The following IGF2BP1 variants were observed in gnomAD, a reference collection of about 807,000 sequenced individuals.
IGF2BP1 encodes the protein insulin-like growth factor 2 mRNA-binding protein 1.
A neutral mutation model predicts 74.9 loss-of-function variants in IGF2BP1; 11 were observed. That is an observed-to-expected ratio of 0.15 (90% CI 0.09 to 0.24). The LOEUF (loss-of-function observed/expected upper bound fraction) is 0.24. IGF2BP1 is among the 10% of genes least tolerant of loss of function. The pLI, the probability that IGF2BP1 is intolerant of heterozygous loss-of-function variation, is 1.00. For synonymous variants in IGF2BP1, 287 were observed against 281.8 expected (o/e 1.02, Z -0.18); for missense variants, 440 against 757.4 (o/e 0.58, Z 4.92).
rs1187362080 is a variant in IGF2BP1, at chr17:49,049,681, G to A, written c.*237G>A. 1.0e-5 allele frequency: 5 copies of A among 481,358 alleles called. No homozygotes were observed. The highest frequency in any genetic ancestry group is 1.9e-5 in the Non-Finnish European group (5 of 265,998). 29.8% of individuals were successfully genotyped at this position (481,358 alleles called of 1,614,324 possible). ...CCCTCGGGGTGTCAGAAATTCTAGCGCAAGGCACTTTTAAACGTGGATTGT... is the reference window on the plus strand; with the variant it reads ...CCCTCGGGGTGTCAGAAATTCTAGCACAAGGCACTTTTAAACGTGGATTGT... On this transcript the variant is annotated 3_prime_UTR_variant, in exon 15 of 15. Coordinates refer to ENST00000290341, the MANE Select transcript of IGF2BP1 (RefSeq NM_006546.4).
upstream of IGF2BP1, among the ~76,000 whole-genome samples, chr17:48,996,652 C>T (rs1214158400): frequency 1.3e-5 from 2 of 152,224 alleles, no homozygotes; most frequent in African/African-American, 4.8e-5. Context: ...CGCGTGTTCC[C>T]CTCAGGACCC....
chr17:49,024,006 TC>T (rs1219191944), intron 2 of IGF2BP1, among the ~76,000 whole-genome samples: 1 of 147,970 alleles, frequency 6.8e-6, no homozygotes, highest in Non-Finnish European at 1.5e-5. Flanking sequence ...AACCTCTGCC[TC>T]CCTGGTTCAA....
intron 2 of IGF2BP1, among the ~76,000 whole-genome samples, chr17:49,019,914 A>T (rs1177154252): frequency 4.1e-4 from 14 of 34,018 alleles, no homozygotes; most frequent in African/African-American, 2.7e-3. Flanking sequence ...TTATATATAT[A>T]TATATATATA....
intron 2 of IGF2BP1, among the ~76,000 whole-genome samples, chr17:49,003,264 ATGTG>A (rs1567808381): frequency 6.6e-6 from 1 of 152,178 alleles, no homozygotes; most frequent in African/African-American, 2.4e-5. Context: ...ATTTTAATCT[ATGTG>A]TGTGGGTACT....
chr17:49,022,766 G>A (rs999013195), intron 2 of IGF2BP1, among the ~76,000 whole-genome samples: 10 of 152,212 alleles, frequency 6.6e-5, no homozygotes. Flanking sequence ...AAAACTGGGA[G>A]TTTGAAGTGC....
chr17:48,998,766 C>T (rs987472683), intron 1 of IGF2BP1, among the ~76,000 whole-genome samples: 2 of 152,220 alleles, frequency 1.3e-5, no homozygotes, highest in African/African-American at 4.8e-5. Flanking sequence ...ACGGGGAGCC[C>T]TTTCTTTCCT....
intron 2 of IGF2BP1, among the ~76,000 whole-genome samples, chr17:49,003,360 T>C (rs761862622): frequency 6.6e-6 from 1 of 152,218 alleles, no homozygotes; most frequent in Non-Finnish European, 1.5e-5. Context: ...ATTGAGGTAG[T>C]CTACTGAGTA....
intron 2 of IGF2BP1, chr17:49,012,372 G>T (rs1311976313): frequency 3.9e-5 from 6 of 152,224 alleles, no homozygotes. Flanking sequence ...GCCTCAGCCT[G>T]TCCTTTTGCA....
At position 49,044,114 on chromosome 17, in the gene IGF2BP1, T is replaced by C. The variant is rs2042083931; in HGVS notation, c.1320+28T>C. 2.5e-6 allele frequency: 4 copies of C among 1,610,868 alleles called. No individual in the cohort carries two copies. The East Asian group carries it at 8.9e-5, about 36-fold the overall frequency. On this transcript the variant is annotated intron_variant, in intron 11 of 14. Coordinates refer to ENST00000290341, the MANE Select transcript of IGF2BP1 (RefSeq NM_006546.4). ...GATCTGCTCTGTGGGTCTTCCTGTT[T>C]CTGGAAAGGGAGGGGTCTCTGCTTT... is the stretch of plus-strand genomic sequence containing the variant.
chr17:49,005,677 A>T (rs2041543502), intron 2 of IGF2BP1, among the ~76,000 whole-genome samples: 2 of 152,138 alleles, frequency 1.3e-5, no homozygotes, highest in African/African-American at 4.8e-5. Context: ...GATTCTAGTC[A>T]ATCCTCTCTA....
chr17:49,041,970 T>C (rs998482198), intron 8 of IGF2BP1, among the ~76,000 whole-genome samples: 6 of 152,214 alleles, frequency 3.9e-5, no homozygotes, highest in African/African-American at 1.2e-4. Flanking sequence ...GTAGAATCAA[T>C]GGGGAAACTT....
At chr17:49,006,553 G>A (rs2041553255) in intron 2 of IGF2BP1, among the ~76,000 whole-genome samples, 2 of 152,154 alleles carry the variant, frequency 1.3e-5, no homozygotes, top group South Asian at 2.1e-4. Flanking sequence ...CTCCTTTGAA[G>A]CTTTACAGTT....
chr17:49,004,282 C>A (rs1427435543), intron 2 of IGF2BP1, among the ~76,000 whole-genome samples: 1 of 147,956 alleles, frequency 6.8e-6, no homozygotes, highest in African/African-American at 2.6e-5. Context: ...GCAGCAGATA[C>A]CCCACGAGAG....
intron 5 of IGF2BP1, chr17:49,036,757 C>G (rs2041994434): frequency 6.5e-6 from 1 of 152,952 alleles, no homozygotes; most frequent in Non-Finnish European, 1.5e-5. Context: ...GGAGACCAGC[C>G]TGACCAACAT....
In IGF2BP1 at chr17:49,026,786, C is replaced by T. The variant is rs184364495; in HGVS notation, c.337+269C>T. 1.8e-3 allele frequency among the ~76,000 whole-genome samples: 274 copies of T among 151,524 alleles called. 1 individual carries two copies. Among genetic ancestry groups the T allele is most frequent in the Non-Finnish European group, 3.0e-3 (201 of 67,744 alleles). On this transcript the variant is annotated intron_variant, in intron 4 of 14. Transcript: ENST00000290341. ...CTTCCTGTCTATCTTGCTCTGTCAC[C>T]AGGCTGGAGTGAAGTGGCGCAATCT...
Position 49,030,010 on chromosome 17 carries a change from A to C in IGF2BP1, c.338-1900A>C, listed in dbSNP as rs2041904448. On this transcript the variant is annotated intron_variant, in intron 4 of 14. Transcript: ENST00000290341. ...AGTTAGAGCCAAGAATTTTGATGGG[A>C]TCAATGACTAGCATCCTGAGGCTAC... Among the ~76,000 whole-genome samples, 4 of 152,216 alleles carry C rather than the reference A, an allele frequency of 2.6e-5. No homozygotes were observed. In the South Asian group the frequency reaches 8.3e-4, roughly 32 times the overall value.
At chr17:49,032,608 C>CTT (rs1567821855) in intron 5 of IGF2BP1, among the ~76,000 whole-genome samples, 1 of 152,154 alleles carries the variant, frequency 6.6e-6, no homozygotes, top group African/African-American at 2.4e-5. Context: ...CCACATTTTG[C>CTT]TTTGGGCTTT....
intron 2 of IGF2BP1, 83 bp from the exon 3 acceptor site, chr17:49,025,535 G>T: frequency 1.7e-6 from 2 of 1,165,376 alleles, no homozygotes; most frequent in South Asian, 1.3e-5. Context: ...AATAGAAACT[G>T]GGGCAAGGAT....
At chr17:49,043,265 G>T (rs1382015347) in intron 9 of IGF2BP1, among the ~76,000 whole-genome samples, 163 bp from the exon 10 acceptor site, 1 of 152,184 alleles carries the variant, frequency 6.6e-6, no homozygotes, top group Non-Finnish European at 1.5e-5. Context: ...AAGTGTGTAG[G>T]TGAGAGTGTA....
Sources: gnomAD v4.1 joint callset for allele counts (sites outside exome capture counted in the v4.1 genomes callset) on GRCh38, gnomAD v4.1.1 for gene constraint, MANE v1.5 for transcripts, NCBI Gene and HGNC (gene_info 2026-07-23, HGNC 2026-07-21) for gene names.